The following ZNF831 variants were observed in gnomAD, a reference collection of about 807,000 sequenced individuals.
ZNF831 encodes zinc finger protein 831.
ZNF831 carries 59 observed loss-of-function variants against 95.8 expected under a neutral mutation model. The observed-to-expected ratio is 0.62, with a 90% CI of 0.50 to 0.77. The LOEUF is 0.77. ZNF831 is among the 30% of genes least tolerant of loss of function. The pLI is 0.00. For missense variants in ZNF831, 2,205 were observed against 2,164.0 expected (o/e 1.02, Z -0.38); for synonymous variants, 961 against 925.5 (o/e 1.04, Z -0.70).
chr20:59,123,839 ACAG>A (rs1425405015), intron 1 of ZNF831, among the ~76,000 whole-genome samples: 1 of 152,208 alleles, frequency 6.6e-6, no homozygotes, highest in Non-Finnish European at 1.5e-5. Flanking sequence ...CATTTGATTT[ACAG>A]CAGCATTTCT....
At chr20:59,235,566 T>A (rs745653175) in intron 4 of ZNF831, among the ~76,000 whole-genome samples, 1 of 152,180 alleles carries the variant, frequency 6.6e-6, no homozygotes, top group South Asian at 2.1e-4. Context: ...CAGAACTTTA[T>A]TGGAGACATA....
intron 4 of ZNF831, among the ~76,000 whole-genome samples, chr20:59,233,401 C>T (rs1205223850): frequency 2.0e-5 from 3 of 152,060 alleles, no homozygotes; most frequent in Admixed American, 2.0e-4. Flanking sequence ...ATCTGAGTAG[C>T]AAGAACACAG....
rs773826833 is a variant in ZNF831, at chr20:59,206,919, T to C, written c.3890T>C (p.Phe1297Ser). The C allele has an allele frequency of 6.2e-7, 1 of 1,614,048 alleles. No homozygotes were observed. The highest frequency in any genetic ancestry group is 1.1e-5 in the South Asian group (1 of 91,076). The change falls in exon 4 of 6, where the codon TTC (phenylalanine) becomes TCC (serine). Residue 1297 changes from phenylalanine to serine, a missense_variant. By Grantham distance (155) the Phe-to-Ser change is radical. Coordinates refer to ENST00000371030, the MANE Select transcript of ZNF831 (RefSeq NM_178457.3). Reference sequence around the variant, plus strand: ...CTCTTCTACAGGTACAAAGGGAATTTCTTGCAGAGCTGTGTTCAGCTGAGA... The same window carrying C: ...CTCTTCTACAGGTACAAAGGGAATTCCTTGCAGAGCTGTGTTCAGCTGAGA... ...KINPKRYKGNFLQSCVQLRAS... is the reference protein window; with the variant it reads ...KINPKRYKGNSLQSCVQLRAS...
At chr20:59,211,483 A>G (rs1020944795) in intron 4 of ZNF831, among the ~76,000 whole-genome samples, 2 of 152,236 alleles carry the variant, frequency 1.3e-5, no homozygotes, top group African/African-American at 4.8e-5. Context: ...GGGTTGACAG[A>G]TCATGATGGA....
intron 2 of ZNF831, among the ~76,000 whole-genome samples, chr20:59,155,239 T>A (rs988012215): frequency 6.6e-6 from 1 of 152,200 alleles, no homozygotes; most frequent in African/African-American, 2.4e-5. Context: ...AACAGTCTAG[T>A]AAAGGCAAAA....
At chr20:59,239,731 G>A (rs1489953460) in intron 4 of ZNF831, among the ~76,000 whole-genome samples, 1 of 152,016 alleles carries the variant, frequency 6.6e-6, no homozygotes, top group Non-Finnish European at 1.5e-5. Flanking sequence ...TTTTCGTAGA[G>A]ACAGCGTTTC....
chr20:59,225,556 T>C (rs773464029), intron 4 of ZNF831, among the ~76,000 whole-genome samples: 2 of 152,254 alleles, frequency 1.3e-5, no homozygotes, highest in African/African-American at 2.4e-5. Flanking sequence ...TAGAAAAGAC[T>C]GGCTTCTTTC....
At chr20:59,183,437 G>A (rs962521228) in intron 1 of ZNF831, among the ~76,000 whole-genome samples, 3 of 152,232 alleles carry the variant, frequency 2.0e-5, no homozygotes, top group Non-Finnish European at 2.9e-5. Context: ...TCAGGTGTGC[G>A]AGAGCATGCA....
chr20:59,128,309 C>T (rs1375501283), intron 1 of ZNF831, among the ~76,000 whole-genome samples: 26 of 152,216 alleles, frequency 1.7e-4, no homozygotes, highest in Non-Finnish European at 3.8e-4. Flanking sequence ...GGCCAGCGTG[C>T]ATACTCCTGT....
At chr20:59,253,869 C>CCGGTG in intron 5 of ZNF831, 29 bp from the exon 6 acceptor site, 2 of 1,067,570 alleles carry the variant, frequency 1.9e-6, no homozygotes, top group Non-Finnish European at 2.5e-6. Context: ...TCCCCCCCCA[C>CCGGTG]TTTTTTTTTC....
At chr20:59,241,835 C>T in intron 4 of ZNF831, among the ~76,000 whole-genome samples, 1 of 152,200 alleles carries the variant, frequency 6.6e-6, no homozygotes, top group Non-Finnish European at 1.5e-5. Flanking sequence ...CCAAATGCTT[C>T]ACTTTCCTCT....
chr20:59,158,288 C>A (rs186228280), intron 2 of ZNF831, among the ~76,000 whole-genome samples: 1 of 152,188 alleles, frequency 6.6e-6, no homozygotes, highest in Non-Finnish European at 1.5e-5. Flanking sequence ...CACAGCCTGG[C>A]GTGCGCAGGA....
At chr20:59,154,775 C>T (rs572508638) in intron 2 of ZNF831, among the ~76,000 whole-genome samples, 2 of 152,328 alleles carry the variant, frequency 1.3e-5, no homozygotes, top group African/African-American at 4.8e-5. Flanking sequence ...TTGGCACTCA[C>T]CGCACCGTCT....
chr20:59,222,853 C>A (rs896297681), intron 4 of ZNF831, among the ~76,000 whole-genome samples: 1 of 152,156 alleles, frequency 6.6e-6, no homozygotes, highest in Non-Finnish European at 1.5e-5. Context: ...ATTTTATGTT[C>A]GTAGGGGTTT....
At chr20:59,159,165 G>A (rs551257187), upstream of ZNF831, among the ~76,000 whole-genome samples, 1 of 152,062 alleles carries the variant, frequency 6.6e-6, no homozygotes, top group Non-Finnish European at 1.5e-5. Flanking sequence ...ATGACTTGTG[G>A]TACAGCCCTT....
At chr20:59,185,300 C>T (rs1034734481) in intron 1 of ZNF831, among the ~76,000 whole-genome samples, 9 of 152,172 alleles carry the variant, frequency 5.9e-5, no homozygotes, top group Admixed American at 3.3e-4. Context: ...TACTCAAAGG[C>T]GTCAATTTCG....
At chr20:59,219,221 G>T (rs1985914536) in intron 4 of ZNF831, among the ~76,000 whole-genome samples, 1 of 152,134 alleles carries the variant, frequency 6.6e-6, no homozygotes, top group South Asian at 2.1e-4. Flanking sequence ...AACAGAAGAT[G>T]GCTTGAGCCC....
chr20:59,127,394 G>T (rs575146997), intron 1 of ZNF831, among the ~76,000 whole-genome samples: 2 of 152,198 alleles, frequency 1.3e-5, no homozygotes, highest in South Asian at 4.1e-4. Context: ...CTGCTCTCTG[G>T]TCAGATCTTC....
At chr20:59,150,192 C>G (rs1227241155) in intron 2 of ZNF831, among the ~76,000 whole-genome samples, 3 of 152,188 alleles carry the variant, frequency 2.0e-5, no homozygotes, top group Non-Finnish European at 4.4e-5. Context: ...TCCTTCCCTC[C>G]CTCTCTCCTC....
Sources: gnomAD v4.1 joint callset for allele counts (sites outside exome capture counted in the v4.1 genomes callset) on GRCh38, gnomAD v4.1.1 for gene constraint, MANE v1.5 for transcripts, NCBI Gene and HGNC (gene_info 2026-07-23, HGNC 2026-07-21) for gene names.